SMC1B: variants seen among roughly 807,000 people sequenced by gnomAD.
The protein encoded by SMC1B is structural maintenance of chromosomes 1B, also known as structural maintenance of chromosomes protein 1B.
In SMC1B, 60 loss-of-function variants were observed where a neutral mutation model predicts 157.9. That is an observed-to-expected ratio of 0.38 (90% CI 0.31 to 0.47). The LOEUF (loss-of-function observed/expected upper bound fraction) is 0.47, where lower values mean the gene tolerates loss of function less well. Among genes scored for constraint, SMC1B ranks in the 20% least tolerant of loss-of-function variants. The pLI is 0.99. For synonymous variants in SMC1B, 445 were observed against 483.0 expected (o/e 0.92, Z 1.03); for missense variants, 1,165 against 1,426.2 (o/e 0.82, Z 2.95).
At position 45,393,832 on chromosome 22, in the gene SMC1B, C is replaced by T. The variant is rs1484791851; in HGVS notation, c.1347G>A (p.Leu449=). The change falls in exon 9 of 25, where the codon TTG becomes TTA. Residue 449 remains leucine, a synonymous_variant. Transcript: ENST00000357450. ...TTTCCTCTTGCTGTTTTTTCTCTTT[C>T]AAGCAATCCCTACAAAATAACAACA... ...EEYTKTCMDC[L]KEKKQQEETL... The T allele has an allele frequency of 6.2e-7, 1 of 1,605,526 alleles. No homozygotes were observed. Among genetic ancestry groups the T allele is most frequent in the Non-Finnish European group, 8.5e-7 (1 of 1,175,718 alleles).
chr22:45,362,846 T>A, intron 16 of SMC1B, 39 bp downstream of exon 16: 1 of 1,547,274 alleles, frequency 6.5e-7, no homozygotes, highest in Middle Eastern at 1.7e-4. Context: ...AAGTCATAAT[T>A]TCAATGAAGA....
rs891231930 is a variant in SMC1B, at chr22:45,406,900, A to G, written c.299-35T>C. On this transcript the variant is annotated intron_variant, in intron 2 of 24. Transcript: ENST00000357450. ...AAAAATAAACCCTGTTAAAAAATATATAAATACCAGATATACCTCAAAATC... is the reference window on the plus strand; with the variant it reads ...AAAAATAAACCCTGTTAAAAAATATGTAAATACCAGATATACCTCAAAATC... The G allele has an allele frequency of 5.6e-6, 8 of 1,438,096 alleles. No individual in the cohort carries two copies. The African/African-American group carries it at 8.7e-5, about 16-fold the overall frequency. The allele number at this position is 1,438,096 out of a possible 1,614,324, so 89.1% of individuals were successfully genotyped here.
intron 12 of SMC1B, among the ~76,000 whole-genome samples, chr22:45,378,159 T>C (rs1056724795): frequency 2.0e-5 from 3 of 152,208 alleles, no homozygotes; most frequent in Non-Finnish European, 4.4e-5. Flanking sequence ...GCTTTTACTG[T>C]GTCTCAAAGA....
intron 22 of SMC1B, 34 bp downstream of exon 22, chr22:45,352,417 T>C: frequency 2.5e-6 from 4 of 1,592,092 alleles, no homozygotes; most frequent in South Asian, 1.1e-5. Context: ...GCTTCTGCCC[T>C]GATATGAAAA....
chr22:45,406,412 A>T (rs544885106), intron 4 of SMC1B, 48 bp downstream of exon 4: 18 of 1,514,748 alleles, frequency 1.2e-5, no homozygotes, highest in Non-Finnish European at 1.4e-5. Context: ...TCTAACATAG[A>T]AAGTTTTATA....
intron 2 of SMC1B, among the ~76,000 whole-genome samples, chr22:45,407,623 G>A (rs2087277866): frequency 6.6e-6 from 1 of 152,000 alleles, no homozygotes; most frequent in African/African-American, 2.4e-5. Flanking sequence ...ACCACACACA[G>A]CTAATTGTAG....
rs545952313 is a variant in SMC1B at position 45,362,945 on chromosome 22, C to A, written c.2502G>T (p.Lys834Asn). 2 of 1,603,656 alleles carry A rather than the reference C, an allele frequency of 1.2e-6. No homozygotes were observed. Among genetic ancestry groups the A allele is most frequent in the Middle Eastern group, 1.7e-4 (1 of 6,034 alleles). The stretch of plus-strand genomic sequence containing the variant: ...GGATAGTTTCTTTTAATGTGTTGAT[C>A]TTATTCAGTTTCTTCTTAAGGTGAC... ...SRSHLKKKLN[K>N]INTLKETIQK... is the part of the protein sequence containing the mutation. Residue 834 changes from lysine to asparagine, a missense_variant, in exon 16 of 25, where the codon AAG (lysine) becomes AAT (asparagine). Lys to Asn is a moderately conservative substitution (Grantham distance 94). Coordinates refer to ENST00000357450, the MANE Select transcript of SMC1B (RefSeq NM_148674.5).
intron 2 of SMC1B, among the ~76,000 whole-genome samples, chr22:45,407,817 CT>C (rs1445103911): frequency 6.6e-6 from 1 of 152,182 alleles, no homozygotes; most frequent in Non-Finnish European, 1.5e-5. Flanking sequence ...GCCTCTACCC[CT>C]GTCACATGTG....
chr22:45,413,518 C>T lies in SMC1B; in HGVS notation c.50G>A (p.Gly17Asp), dbSNP rs2087380822. The change falls in exon 1 of 25, where the codon GGC becomes GAC. Residue 17 changes from glycine to aspartate, a missense_variant. Coordinates refer to ENST00000357450, the MANE Select transcript of SMC1B (RefSeq NM_148674.5). ...CCGGAAGGGGCCAATGACCTGGCGG[C>T]CCCGCCACGACTTGAAATTTTCCAC... ...LLVENFKSWR[G>D]RQVIGPFRRF... 1 of 1,611,820 alleles carries T rather than the reference C, an allele frequency of 6.2e-7. No individual in the cohort carries two copies. Among genetic ancestry groups the T allele is most frequent in the Non-Finnish European group, 8.5e-7 (1 of 1,179,038 alleles).
chr22:45,398,466 G>A lies in SMC1B; in HGVS notation c.1113+629C>T, dbSNP rs548814822. On this transcript the variant is annotated intron_variant, in intron 6 of 24. Transcript: ENST00000357450. ...TGACAGGGTGTCTCCTGCAGTGAAC[G>A]TGGGACCAAGCAAGGCCTGAGCAAG... 3.9e-4 allele frequency among the ~76,000 whole-genome samples: 60 copies of A among 152,308 alleles called. 1 individual carries two copies. In the South Asian group the frequency reaches 0.012, roughly 29 times the overall value.
At chr22:45,365,662 G>A (rs1033035253) in intron 15 of SMC1B, among the ~76,000 whole-genome samples, 2 of 152,100 alleles carry the variant, frequency 1.3e-5, no homozygotes, top group Non-Finnish European at 2.9e-5. Context: ...CCAAGATTGT[G>A]CCACTGCACT....
At chr22:45,353,261 C>CAAA (rs11311805) in intron 21 of SMC1B, among the ~76,000 whole-genome samples, 1 of 102,590 alleles carries the variant, frequency 9.7e-6, no homozygotes, top group Non-Finnish European at 2.0e-5. Context: ...AACTCTGTCT[C>CAAA]AAAAAAAAAA....
Position 45,349,793 on chromosome 22 carries a change from G to A in SMC1B, c.3430C>T (p.Arg1144Cys). 1.2e-6 allele frequency: 2 copies of A among 1,605,774 alleles called. No homozygotes were observed. Among genetic ancestry groups the A allele is most frequent in the Non-Finnish European group, 8.5e-7 (1 of 1,177,138 alleles). Residue 1144 changes from arginine to cysteine, a missense_variant, in exon 23 of 25, where the codon CGT (arginine) becomes TGT (cysteine). Transcript: ENST00000357450. ...TCTAAAACAAAGAATGGGGCAGGAC[G>A]AAAACTAGAAAAAAATTACAATCAA... ...LALLFAVHSFRPAPFFVLDEV... is the reference protein window; with the variant it reads ...LALLFAVHSFCPAPFFVLDEV...
intron 8 of SMC1B, among the ~76,000 whole-genome samples, 173 bp from the exon 9 acceptor site, chr22:45,394,014 T>C (rs1379046951): frequency 6.6e-6 from 1 of 152,156 alleles, no homozygotes; most frequent in Non-Finnish European, 1.5e-5. Context: ...AAGATTTTGC[T>C]CATTCTTTGT....
At chr22:45,406,375 G>A in intron 4 of SMC1B, 85 bp downstream of exon 4, 1 of 1,068,734 alleles carries the variant, frequency 9.4e-7, no homozygotes. Flanking sequence ...TAATCTTCTT[G>A]GTAAGCCCAA....
At chr22:45,412,639 T>C (rs1275018574) in intron 1 of SMC1B, among the ~76,000 whole-genome samples, 1 of 151,334 alleles carries the variant, frequency 6.6e-6, no homozygotes, top group African/African-American at 2.4e-5. Context: ...CCAGAGTAGT[T>C]GGGATTACAG....
chr22:45,353,917 A>AAAC, intron 21 of SMC1B, 61 bp downstream of exon 21: 1 of 857,888 alleles, frequency 1.2e-6, no homozygotes, highest in Non-Finnish European at 1.7e-6. Context: ...AAAAAAAAAA[A>AAAC]AAACAACCAC....
intron 12 of SMC1B, among the ~76,000 whole-genome samples, chr22:45,381,800 A>G (rs1197631281): frequency 6.6e-6 from 1 of 152,222 alleles, no homozygotes; most frequent in East Asian, 1.9e-4. Flanking sequence ...ATATTCCTAT[A>G]CCTTAGATTA....
intron 16 of SMC1B, 113 bp from the exon 17 acceptor site, chr22:45,362,097 T>A: frequency 9.0e-7 from 1 of 1,106,332 alleles, no homozygotes; most frequent in Non-Finnish European, 1.3e-6. Context: ...CTTCTCACCC[T>A]ATGTGCTACC....
Sources: gnomAD v4.1 joint callset for allele counts (sites outside exome capture counted in the v4.1 genomes callset) on GRCh38, gnomAD v4.1.1 for gene constraint, MANE v1.5 for transcripts, NCBI Gene and HGNC (gene_info 2026-07-23, HGNC 2026-07-21) for gene names.